RALYL: variants seen among roughly 807,000 people sequenced by gnomAD.
RALYL encodes RALY RNA binding protein like.
In RALYL, 29 loss-of-function variants were observed where a neutral mutation model predicts 35.1. The ratio of observed to expected loss-of-function variants is 0.83; its 90% CI spans 0.61 to 1.13. The LOEUF (loss-of-function observed/expected upper bound fraction) is 1.13. Ranked by LOEUF, RALYL falls within the 50% of genes most tolerant of loss-of-function variation. The probability of loss-of-function intolerance (pLI) is 0.00; values close to 1 mark genes in which losing one functional copy is unlikely to be tolerated. For synonymous variants in RALYL, 120 were observed against 127.6 expected, an observed-to-expected ratio of 0.94 and a Z score of 0.40; for missense variants, 359 against 360.4, an observed-to-expected ratio of 1.00 and a Z score of 0.03.
intron 1 of RALYL, among the ~76,000 whole-genome samples, chr8:84,488,570 T>G (rs2054901891): frequency 6.6e-6 from 1 of 152,020 alleles, no homozygotes. Context: ...ACTCTAAATT[T>G]ATCTAGTTCC....
At chr8:84,900,464 G>A (rs775040173) in intron 8 of RALYL, among the ~76,000 whole-genome samples, 5 of 152,124 alleles carry the variant, frequency 3.3e-5, no homozygotes, top group Non-Finnish European at 7.3e-5. Context: ...ATCACCTGAG[G>A]TTGGGAGTTC....
chr8:84,744,759 C>T (rs1026926406), intron 2 of RALYL, among the ~76,000 whole-genome samples: 3 of 151,794 alleles, frequency 2.0e-5, no homozygotes, highest in Admixed American at 6.6e-5. Context: ...TCATCTAATT[C>T]GGTGAAGAAT....
intron 7 of RALYL, among the ~76,000 whole-genome samples, chr8:84,885,880 T>C (rs1415169394): frequency 1.3e-5 from 2 of 152,192 alleles, no homozygotes; most frequent in East Asian, 3.8e-4. Context: ...AACACATTTA[T>C]GTAGTCCTTT....
intron 1 of RALYL, among the ~76,000 whole-genome samples, chr8:84,427,083 A>T (rs1490145740): frequency 6.6e-6 from 1 of 152,232 alleles, no homozygotes; most frequent in Non-Finnish European, 1.5e-5. Flanking sequence ...GTACATATAT[A>T]TAATTTTACT....
At chr8:84,593,366 C>T (rs150895219) in intron 2 of RALYL, among the ~76,000 whole-genome samples, 7 of 152,134 alleles carry the variant, frequency 4.6e-5, no homozygotes, top group South Asian at 2.1e-4. Context: ...TTTCCTCATG[C>T]GTCGCCAATC....
chr8:84,695,110 G>C (rs1022807878), intron 2 of RALYL, among the ~76,000 whole-genome samples: 1 of 151,640 alleles, frequency 6.6e-6, no homozygotes, highest in African/African-American at 2.4e-5. Flanking sequence ...TATTATAAAA[G>C]TTTTCTTTTT....
intron 1 of RALYL, among the ~76,000 whole-genome samples, chr8:84,502,040 A>G (rs1030039322): frequency 2.0e-5 from 3 of 151,770 alleles, no homozygotes; most frequent in African/African-American, 7.2e-5. Context: ...TGTAATTTAT[A>G]TAACAATCCA....
chr8:84,427,826 A>C (rs896299582), intron 1 of RALYL, among the ~76,000 whole-genome samples: 1 of 152,100 alleles, frequency 6.6e-6, no homozygotes, highest in Non-Finnish European at 1.5e-5. Flanking sequence ...TCTTGTAATT[A>C]TCTCTCTCTC....
At chr8:84,775,765 C>T (rs1486846629) in intron 3 of RALYL, among the ~76,000 whole-genome samples, 1 of 152,150 alleles carries the variant, frequency 6.6e-6, no homozygotes, top group Non-Finnish European at 1.5e-5. Flanking sequence ...GGGAAGAGTA[C>T]AAGAGTAAAC....
chr8:84,895,166 C>G (rs1019190168), intron 8 of RALYL, among the ~76,000 whole-genome samples: 1 of 152,078 alleles, frequency 6.6e-6, no homozygotes, highest in Non-Finnish European at 1.5e-5. Flanking sequence ...CAAAGACCTT[C>G]GTCTTGAACT....
intron 1 of RALYL, among the ~76,000 whole-genome samples, chr8:84,447,258 C>T (rs1186254596): frequency 6.6e-6 from 1 of 152,054 alleles, no homozygotes; most frequent in Non-Finnish European, 1.5e-5. Context: ...ACAGACTCTT[C>T]TAGGGAGCAG....
chr8:84,305,522 T>C (rs1393059160), intron 1 of RALYL, among the ~76,000 whole-genome samples: 1 of 152,350 alleles, frequency 6.6e-6, no homozygotes, highest in East Asian at 1.9e-4. Context: ...AGGGAACAAA[T>C]TGCAAATGAA....
At chr8:84,717,546 C>G (rs993589219) in intron 2 of RALYL, among the ~76,000 whole-genome samples, 1 of 152,130 alleles carries the variant, frequency 6.6e-6, no homozygotes, top group Non-Finnish European at 1.5e-5. Flanking sequence ...AAGTTGCCCA[C>G]ATTGTTAATA....
At chr8:84,472,235 A>T (rs901251350) in intron 1 of RALYL, among the ~76,000 whole-genome samples, 1 of 152,090 alleles carries the variant, frequency 6.6e-6, no homozygotes, top group African/African-American at 2.4e-5. Context: ...ATCCCTGGCT[A>T]TGCAAATTTG....
chr8:84,332,636 C>T (rs1471420245), intron 1 of RALYL, among the ~76,000 whole-genome samples: 2 of 152,126 alleles, frequency 1.3e-5, no homozygotes, highest in African/African-American at 2.4e-5. Context: ...TAATATTTCC[C>T]CTTTTTTATG....
chr8:84,234,468 A>G (rs1168086221), intron 1 of RALYL, among the ~76,000 whole-genome samples: 1 of 152,198 alleles, frequency 6.6e-6, no homozygotes, highest in Admixed American at 6.5e-5. Flanking sequence ...ACAATGTGAT[A>G]TAAGGATTAA....
chr8:84,902,194 C>T (rs1385834665), intron 8 of RALYL, among the ~76,000 whole-genome samples: 2 of 152,090 alleles, frequency 1.3e-5, no homozygotes, highest in Non-Finnish European at 2.9e-5. Context: ...CTGGCATCTC[C>T]TCAGCTTCCG....
intron 3 of RALYL, among the ~76,000 whole-genome samples, chr8:84,778,450 G>A (rs1335586187): frequency 7.2e-5 from 11 of 152,208 alleles, no homozygotes; most frequent in Non-Finnish European, 4.4e-5. Context: ...ACAGTCTTAT[G>A]CATAAGTTAG....
At chr8:84,582,406 A>AT (rs1421598159) in intron 2 of RALYL, among the ~76,000 whole-genome samples, 1 of 152,090 alleles carries the variant, frequency 6.6e-6, no homozygotes, top group Non-Finnish European at 1.5e-5. Flanking sequence ...GTAATGAATC[A>AT]TACCATATTG....
Sources: allele counts gnomAD v4.1 joint callset (sites outside exome capture counted in the v4.1 genomes callset), GRCh38; gene constraint gnomAD v4.1.1; transcripts MANE v1.5; gene names NCBI Gene and HGNC (gene_info 2026-07-23, HGNC 2026-07-21).